LOXHD1: variants seen among roughly 807,000 people sequenced by gnomAD.
The protein encoded by LOXHD1 is lipoxygenase homology domain-containing protein 1.
Under a neutral mutation model 248.2 loss-of-function variants are expected in LOXHD1, and 205 were observed. The observed-to-expected ratio is 0.83, with a 90% CI of 0.74 to 0.93. LOXHD1 has a LOEUF of 0.93. Among genes scored for constraint, LOXHD1 ranks in the 40% least tolerant of loss-of-function variants. The pLI is 0.00. For synonymous variants in LOXHD1, 1,113 were observed against 1,162.8 expected (o/e 0.96, Z 0.87); for missense variants, 2,930 against 2,971.6 (o/e 0.99, Z 0.33).
At chr18:46,502,118 A>G (rs1051810035) in intron 37 of LOXHD1, among the ~76,000 whole-genome samples, 3 of 152,266 alleles carry the variant, frequency 2.0e-5, no homozygotes, top group South Asian at 2.1e-4. Context: ...GAAGCAAATG[A>G]GGCCTCATGT....
intron 18 of LOXHD1, 53 bp from the exon 19 acceptor site, chr18:46,560,598 C>A: frequency 1.4e-6 from 2 of 1,434,150 alleles, no homozygotes; most frequent in Admixed American, 4.4e-5. Context: ...CTCCCCAACG[C>A]CCCCAACACC....
chr18:46,499,681 G>T (rs1204630864), intron 37 of LOXHD1, among the ~76,000 whole-genome samples: 1 of 151,888 alleles, frequency 6.6e-6, no homozygotes, highest in Non-Finnish European at 1.5e-5. Context: ...TGTGTGTGTG[G>T]CAGGGGGAGG....
chr18:46,608,301 G>C (rs1198930441), intron 6 of LOXHD1, among the ~76,000 whole-genome samples: 4 of 152,164 alleles, frequency 2.6e-5, no homozygotes, highest in Non-Finnish European at 2.9e-5. Context: ...TTCACCCATA[G>C]ATTTCACACC....
intron 14 of LOXHD1, among the ~76,000 whole-genome samples, chr18:46,576,753 C>T (rs2037863881): frequency 1.3e-5 from 2 of 152,188 alleles, no homozygotes; most frequent in South Asian, 4.1e-4. Context: ...TCCCAGTGGC[C>T]CTCCGTGGCT....
intron 21 of LOXHD1, among the ~76,000 whole-genome samples, chr18:46,553,450 C>G (rs748280153): frequency 6.6e-6 from 1 of 152,220 alleles, no homozygotes; most frequent in Non-Finnish European, 1.5e-5. Flanking sequence ...ATCAGGGTTC[C>G]TTTCTTCAAA....
chr18:46,490,105 T>G (rs1169877544), intron 37 of LOXHD1, among the ~76,000 whole-genome samples: 2 of 152,220 alleles, frequency 1.3e-5, no homozygotes, highest in Non-Finnish European at 2.9e-5. Flanking sequence ...TACCATGCAC[T>G]GGTTGAGTTA....
chr18:46,513,059 A>G (rs1598887386), intron 34 of LOXHD1, among the ~76,000 whole-genome samples: 1 of 152,248 alleles, frequency 6.6e-6, no homozygotes, highest in East Asian at 1.9e-4. Context: ...TGGAGATCAA[A>G]AAAGAAAGGA....
intron 40 of LOXHD1, among the ~76,000 whole-genome samples, chr18:46,479,236 A>ATGTG (rs10645069): frequency 0.18 from 26,295 of 142,648 alleles, 2,553 homozygotes; most frequent in Middle Eastern, 0.27. Flanking sequence ...ATATATATGT[A>ATGTG]TGTGTGTGTG....
chr18:46,603,579 G>A (rs1006900869), intron 7 of LOXHD1, among the ~76,000 whole-genome samples: 3 of 152,290 alleles, frequency 2.0e-5, no homozygotes, highest in South Asian at 2.1e-4. Context: ...ATTCATACAG[G>A]TTAGGGCTTT....
intron 17 of LOXHD1, among the ~76,000 whole-genome samples, chr18:46,563,643 AGG>A (rs1312126366): frequency 6.6e-6 from 1 of 152,230 alleles, no homozygotes; most frequent in Non-Finnish European, 1.5e-5. Flanking sequence ...AGGAGTGATT[AGG>A]CCCCCCAAAA....
chr18:46,478,869 A>G (rs2032284330), intron 40 of LOXHD1, among the ~76,000 whole-genome samples: 1 of 152,114 alleles, frequency 6.6e-6, no homozygotes, highest in Non-Finnish European at 1.5e-5. Flanking sequence ...ATTTAAAAAA[A>G]TATATTTTTG....
intron 8 of LOXHD1, among the ~76,000 whole-genome samples, chr18:46,597,896 G>A (rs112653862): frequency 0.054 from 8,184 of 151,132 alleles, 276 homozygotes; most frequent in Non-Finnish European, 0.08. Flanking sequence ...AGCTGGGACA[G>A]GCGCCCGCCG....
chr18:46,529,419 T>C, intron 28 of LOXHD1, 88 bp from the exon 29 acceptor site: 6 of 1,438,568 alleles, frequency 4.2e-6, no homozygotes, highest in South Asian at 3.0e-5. Flanking sequence ...TTGTAGGAGG[T>C]GCTAAGCTTC....
rs2144060863 is a variant in LOXHD1, at chr18:46,566,435, C to T, written c.2259G>A (p.Val753=). 1 of 1,550,036 alleles carries T rather than the reference C, an allele frequency of 6.5e-7. No individual in the cohort carries two copies. The highest frequency in any genetic ancestry group is 8.7e-7 in the Non-Finnish European group (1 of 1,146,950). The change falls in exon 17 of 41, where the codon GTG becomes GTA. Residue 753 remains valine, a synonymous_variant. Transcript: ENST00000642948. ...TLNIGNINRL[V]IGHDSTGMHA... ...GCATGCCAGTGCTGTCATGCCCAAT[C>T]ACCAGCCGGTTGATCTGAAGGAAAC...
intron 20 of LOXHD1, 109 bp from the exon 21 acceptor site, chr18:46,557,598 G>C (rs571482): frequency 7.6e-7 from 1 of 1,307,230 alleles, no homozygotes; most frequent in South Asian, 1.4e-5. Flanking sequence ...CCAATGGTGA[G>C]ACCCAAAGCA....
intron 4 of LOXHD1, among the ~76,000 whole-genome samples, chr18:46,626,937 T>G (rs2144347984): frequency 6.6e-6 from 1 of 152,336 alleles, no homozygotes; most frequent in East Asian, 1.9e-4. Context: ...ATTAATAGTT[T>G]GTTGAGAATG....
intron 6 of LOXHD1, among the ~76,000 whole-genome samples, chr18:46,604,664 A>G (rs958150340): frequency 1.3e-5 from 2 of 152,222 alleles, no homozygotes; most frequent in African/African-American, 2.4e-5. Context: ...CAAGCCCCAC[A>G]TCAGGCACAG....
chr18:46,485,195 T>C, intron 38 of LOXHD1, 44 bp from the exon 39 acceptor site: 1 of 1,528,004 alleles, frequency 6.5e-7, no homozygotes, highest in South Asian at 1.2e-5. Flanking sequence ...GGGGAAGCAG[T>C]GCCCGTCTTC....
At chr18:46,593,839 T>C (rs1276002152) in intron 9 of LOXHD1, 79 bp from the exon 10 acceptor site, 3 of 1,473,542 alleles carry the variant, frequency 2.0e-6, no homozygotes, top group Non-Finnish European at 1.9e-6. Context: ...GAAGGAAAAA[T>C]CCAAAATGAT....
Sources: gnomAD v4.1 joint callset for allele counts (sites outside exome capture counted in the v4.1 genomes callset) on GRCh38, gnomAD v4.1.1 for gene constraint, MANE v1.5 for transcripts, NCBI Gene and HGNC (gene_info 2026-07-23, HGNC 2026-07-21) for gene names.